LSAMP: variants seen among roughly 807,000 people sequenced by gnomAD.
The protein encoded by LSAMP is limbic system-associated membrane protein.
Under a neutral mutation model 38.6 loss-of-function variants are expected in LSAMP, and 7 were observed. That is an observed-to-expected ratio of 0.18 (90% CI 0.10 to 0.34). The LOEUF (loss-of-function observed/expected upper bound fraction) is 0.34. LSAMP is among the 10% of genes least tolerant of loss of function. The pLI is 1.00. For synonymous variants in LSAMP, 154 were observed against 166.8 expected (o/e 0.92, Z 0.59); for missense variants, 313 against 420.0 (o/e 0.75, Z 2.23).
rs375425697 is a variant in LSAMP, at chr3:115,845,424, C to T, written c.650-2846G>A. Among the ~76,000 whole-genome samples, 12 of 152,298 alleles carry T rather than the reference C, an allele frequency of 7.9e-5. 1 individual carries two copies. Among genetic ancestry groups the T allele is most frequent in the South Asian group, 4.2e-4 (2 of 4,816 alleles). On this transcript the variant is annotated intron_variant, in intron 4 of 6. Coordinates refer to ENST00000490035, the MANE Select transcript of LSAMP (RefSeq NM_002338.5). ...ATAACTGCCAAATAGTGACTATTTA[C>T]CCTTGGTCCCCTACCACTTTGGGAC...
At chr3:115,997,265 G>A (rs948691896) in intron 3 of LSAMP, among the ~76,000 whole-genome samples, 2 of 152,044 alleles carry the variant, frequency 1.3e-5, no homozygotes, top group Non-Finnish European at 2.9e-5. Flanking sequence ...CTTCTATAGT[G>A]TAGTAGTATC....
chr3:115,836,371 G>A (rs946749461), intron 6 of LSAMP, among the ~76,000 whole-genome samples: 2 of 152,156 alleles, frequency 1.3e-5, no homozygotes, highest in Admixed American at 6.5e-5. Context: ...TCATGCTAGG[G>A]TTTGCAGGAT....
At chr3:115,971,853 T>C (rs77431386) in intron 3 of LSAMP, among the ~76,000 whole-genome samples, 2,072 of 152,274 alleles carry the variant, frequency 0.014, 29 homozygotes, top group African/African-American at 0.034. Context: ...ATTAATTTTA[T>C]AGGCTTAGCA....
intron 1 of LSAMP, among the ~76,000 whole-genome samples, chr3:116,139,790 G>T (rs1205995069): frequency 1.3e-5 from 2 of 151,924 alleles, no homozygotes; most frequent in African/African-American, 4.8e-5. Context: ...ACAACAAACT[G>T]CTCTCTGTTC....
chr3:116,010,802 A>G (rs1940302282), intron 3 of LSAMP, among the ~76,000 whole-genome samples: 2 of 152,186 alleles, frequency 1.3e-5, no homozygotes, highest in Non-Finnish European at 1.5e-5. Flanking sequence ...ATTCTATTGT[A>G]TCATTTGTAA....
intron 3 of LSAMP, among the ~76,000 whole-genome samples, chr3:116,011,619 G>A (rs909180100): frequency 3.9e-5 from 6 of 152,184 alleles, no homozygotes; most frequent in Middle Eastern, 3.4e-3. Flanking sequence ...AGTAGCAAAG[G>A]GTCCAACTGG....
At chr3:115,912,454 C>T (rs1937156169) in intron 3 of LSAMP, among the ~76,000 whole-genome samples, 1 of 152,172 alleles carries the variant, frequency 6.6e-6, no homozygotes, top group Non-Finnish European at 1.5e-5. Context: ...TGTGGAAAGC[C>T]AGACTCTCCA....
chr3:115,978,628 T>C (rs1264777393), intron 3 of LSAMP, among the ~76,000 whole-genome samples: 2 of 151,956 alleles, frequency 1.3e-5, no homozygotes, highest in Non-Finnish European at 2.9e-5. Context: ...CTACAGTGAT[T>C]ACCTCCAAGG....
At chr3:115,942,122 G>A (rs1371341877) in intron 3 of LSAMP, among the ~76,000 whole-genome samples, 1 of 151,902 alleles carries the variant, frequency 6.6e-6, no homozygotes, top group Non-Finnish European at 1.5e-5. Context: ...TGGCTAGTTG[G>A]CTAGTTAATA....
chr3:115,939,368 G>A (rs1275588773), intron 3 of LSAMP, among the ~76,000 whole-genome samples: 15 of 152,072 alleles, frequency 9.9e-5, no homozygotes, highest in Admixed American at 9.8e-4. Flanking sequence ...TTAGATGGCA[G>A]CCTAAAGGGT....
At chr3:115,897,111 C>A (rs1044105244) in intron 3 of LSAMP, among the ~76,000 whole-genome samples, 1 of 152,092 alleles carries the variant, frequency 6.6e-6, no homozygotes, top group Non-Finnish European at 1.5e-5. Flanking sequence ...GTGACCCTTA[C>A]CAGAGAATCT....
intron 1 of LSAMP, among the ~76,000 whole-genome samples, chr3:116,319,299 G>A (rs888863647): frequency 6.6e-6 from 1 of 152,164 alleles, no homozygotes; most frequent in African/African-American, 2.4e-5. Context: ...GTTGAAAGCA[G>A]TGTTTTGTCA....
intron 1 of LSAMP, among the ~76,000 whole-genome samples, chr3:116,433,454 A>G (rs2049307978): frequency 6.6e-6 from 1 of 152,172 alleles, no homozygotes; most frequent in Non-Finnish European, 1.5e-5. Flanking sequence ...CACATAAATA[A>G]TACCCTTGTA....
intron 4 of LSAMP, 38 bp from the exon 5 acceptor site, chr3:115,842,616 C>T (rs375806100): frequency 1.9e-5 from 30 of 1,607,552 alleles, no homozygotes; most frequent in Admixed American, 1.3e-4. Flanking sequence ...ACATGAGGGT[C>T]GGGGTGCTTA....
intron 3 of LSAMP, among the ~76,000 whole-genome samples, chr3:115,941,618 T>TA (rs1937924863): frequency 6.6e-6 from 1 of 151,872 alleles, no homozygotes; most frequent in African/African-American, 2.4e-5. Context: ...ATTCAGCTAA[T>TA]AAAAAAGAAT....
chr3:116,021,684 TA>T (rs1247671318), intron 2 of LSAMP, among the ~76,000 whole-genome samples: 1 of 151,524 alleles, frequency 6.6e-6, no homozygotes, highest in African/African-American at 2.4e-5. Flanking sequence ...TATGTTCTGA[TA>T]AAAAAGGCTC....
intron 1 of LSAMP, among the ~76,000 whole-genome samples, chr3:116,168,600 G>A (rs1710119448): frequency 6.6e-6 from 1 of 152,162 alleles, no homozygotes; most frequent in African/African-American, 2.4e-5. Context: ...AACTTATGGA[G>A]TTCTGACACA....
intron 1 of LSAMP, among the ~76,000 whole-genome samples, chr3:116,440,500 G>A (rs942304711): frequency 6.6e-6 from 1 of 152,100 alleles, no homozygotes; most frequent in Non-Finnish European, 1.5e-5. Context: ...CCTGTGTATT[G>A]TATGTGTGTA....
chr3:116,025,354 C>A (rs771162501), intron 2 of LSAMP, among the ~76,000 whole-genome samples: 4 of 151,870 alleles, frequency 2.6e-5, no homozygotes, highest in Non-Finnish European at 4.4e-5. Context: ...AGGAATTGAC[C>A]TTTTGTTGTC....
Sources: allele counts gnomAD v4.1 joint callset (sites outside exome capture counted in the v4.1 genomes callset), GRCh38; gene constraint gnomAD v4.1.1; transcripts MANE v1.5; gene names NCBI Gene and HGNC (gene_info 2026-07-23, HGNC 2026-07-21).